Variants in OLFM3 observed in about 807,000 individuals in gnomAD.
OLFM3 encodes olfactomedin 3, also known as noelin-3.
Under a neutral mutation model 48.6 loss-of-function variants are expected in OLFM3, and 20 were observed. The ratio of observed to expected loss-of-function variants is 0.41; its 90% CI spans 0.29 to 0.60. OLFM3 has a LOEUF of 0.60. Among genes scored for constraint, OLFM3 ranks in the 20% least tolerant of loss-of-function variants. OLFM3 has a pLI of 0.28. For missense variants in OLFM3, 437 were observed against 544.3 expected (o/e 0.80, Z 1.96); for synonymous variants, 222 against 198.1 (o/e 1.12, Z -1.01).
intron 1 of OLFM3, among the ~76,000 whole-genome samples, chr1:101,886,553 A>G (rs1407473915): frequency 6.6e-6 from 1 of 152,116 alleles, no homozygotes; most frequent in Non-Finnish European, 1.5e-5. Flanking sequence ...ATAGCATGTT[A>G]GCTTGGGGGA....
intron 1 of OLFM3, among the ~76,000 whole-genome samples, chr1:101,958,608 G>A (rs1008791795): frequency 6.6e-6 from 1 of 151,966 alleles, no homozygotes; most frequent in Non-Finnish European, 1.5e-5. Context: ...GAATGTAGAG[G>A]TGTTTGTGAT....
At chr1:101,842,745 T>C (rs1338255779) in intron 1 of OLFM3, among the ~76,000 whole-genome samples, 1 of 152,148 alleles carries the variant, frequency 6.6e-6, no homozygotes. Context: ...GGCAGCCCCC[T>C]CCACTGAAGA....
At chr1:101,846,954 T>G in intron 1 of OLFM3, 2 of 1,612,286 alleles carry the variant, frequency 1.2e-6, no homozygotes, top group African/African-American at 1.3e-5. Flanking sequence ...AGCGCCAAGC[T>G]TCAGCAGTGG....
rs1657609937 is a variant in OLFM3 at position 101,883,322 on chromosome 1, C to T, written c.70-46297G>A. On this transcript the variant is annotated intron_variant, in intron 1 of 5. Coordinates refer to ENST00000370103, the MANE Select transcript of OLFM3 (RefSeq NM_058170.4). ...TATAATATATATACACACATATATACAATTTATATACTCTATATATACACA... is the reference window on the plus strand; with the variant it reads ...TATAATATATATACACACATATATATAATTTATATACTCTATATATACACA... 2.0e-5 allele frequency among the ~76,000 whole-genome samples: 3 copies of T among 149,884 alleles called. No individual in the cohort carries two copies. The Admixed American group carries it at 2.0e-4, about 10-fold the overall frequency.
At chr1:101,903,862 T>C (rs1437162696) in intron 1 of OLFM3, among the ~76,000 whole-genome samples, 1 of 152,062 alleles carries the variant, frequency 6.6e-6, no homozygotes, top group Non-Finnish European at 1.5e-5. Flanking sequence ...TGGCAATACA[T>C]TATTTTTAGT....
At chr1:101,827,040 G>A (rs551638837) in intron 3 of OLFM3, among the ~76,000 whole-genome samples, 2 of 152,226 alleles carry the variant, frequency 1.3e-5, no homozygotes, top group South Asian at 4.1e-4. Context: ...ACTTATATGA[G>A]AGCATTGGAA....
intron 1 of OLFM3, among the ~76,000 whole-genome samples, chr1:101,943,878 C>T (rs953594946): frequency 1.6e-5 from 2 of 121,812 alleles, no homozygotes; most frequent in Non-Finnish European, 1.8e-5. Context: ...ATTCATAAAA[C>T]TCTAGAAATC....
chr1:101,958,571 T>C (rs547158948), intron 1 of OLFM3, among the ~76,000 whole-genome samples: 3 of 152,212 alleles, frequency 2.0e-5, no homozygotes, highest in East Asian at 1.9e-4. Context: ...CTTCAGAATA[T>C]GCATGCTTTT....
chr1:101,915,561 C>A (rs1422014062), intron 1 of OLFM3, among the ~76,000 whole-genome samples: 5 of 152,072 alleles, frequency 3.3e-5, no homozygotes, highest in African/African-American at 1.2e-4. Flanking sequence ...AATACAATAT[C>A]TCTCCTCTCT....
chr1:101,935,257 C>T (rs763405464), intron 1 of OLFM3, among the ~76,000 whole-genome samples: 5 of 149,412 alleles, frequency 3.3e-5, no homozygotes, highest in Non-Finnish European at 5.9e-5. Context: ...AAAAGAAGAT[C>T]GAAATAAATG....
intron 1 of OLFM3, among the ~76,000 whole-genome samples, chr1:101,977,926 C>T (rs1393307644): frequency 6.6e-6 from 1 of 152,066 alleles, no homozygotes; most frequent in East Asian, 1.9e-4. Flanking sequence ...TACTTTGTTT[C>T]TTTCTCATAA....
rs561866339 is a variant in OLFM3, at chr1:101,928,544, C to T, written c.69+68204G>A. On this transcript the variant is annotated intron_variant, in intron 1 of 5. Transcript: ENST00000370103. Reference sequence around the variant, plus strand: ...ACTTTCATTCATAAGCACTTTTCCACTTTCTAACAGAGAACTTGAGAAAAC... The same window carrying T: ...ACTTTCATTCATAAGCACTTTTCCATTTTCTAACAGAGAACTTGAGAAAAC... Among the ~76,000 whole-genome samples, 13 of 152,234 alleles carry T rather than the reference C, an allele frequency of 8.5e-5. No homozygotes were observed. The South Asian group carries it at 1.9e-3, about 22-fold the overall frequency.
chr1:101,841,581 G>A (rs1655723144), intron 1 of OLFM3, among the ~76,000 whole-genome samples: 1 of 152,168 alleles, frequency 6.6e-6, no homozygotes, highest in African/African-American at 2.4e-5. Flanking sequence ...ATGGAAACAA[G>A]TAGCCATTGG....
intron 1 of OLFM3, among the ~76,000 whole-genome samples, chr1:101,974,472 C>T (rs1171020031): frequency 6.6e-6 from 1 of 152,056 alleles, no homozygotes; most frequent in African/African-American, 2.4e-5. Flanking sequence ...CTTAATTGGA[C>T]CAGTTTTACC....
intron 1 of OLFM3, among the ~76,000 whole-genome samples, chr1:101,904,099 G>A (rs1658479568): frequency 6.6e-6 from 1 of 152,032 alleles, no homozygotes; most frequent in Non-Finnish European, 1.5e-5. Flanking sequence ...ATGGGCAATT[G>A]TAGGGAATTT....
intron 1 of OLFM3, among the ~76,000 whole-genome samples, chr1:101,943,751 C>T (rs574195496): frequency 6.6e-6 from 1 of 152,208 alleles, no homozygotes; most frequent in Admixed American, 6.5e-5. Context: ...TTATAGTTCA[C>T]CTATTATCTA....
At chr1:101,872,033 C>T (rs75710751) in intron 1 of OLFM3, among the ~76,000 whole-genome samples, 3,420 of 151,940 alleles carry the variant, frequency 0.023, 147 homozygotes, top group African/African-American at 0.078. Flanking sequence ...CTGAGTTGAG[C>T]GTTAAAGAAT....
intron 2 of OLFM3, among the ~76,000 whole-genome samples, chr1:101,832,231 T>C (rs930469158): frequency 2.0e-5 from 3 of 152,194 alleles, no homozygotes; most frequent in Non-Finnish European, 4.4e-5. Context: ...TGCACACACA[T>C]ATAATCAGTA....
rs553233903 is a variant in OLFM3, at chr1:101,889,476, G to A, written c.70-52451C>T. ...ATGAGAACACGTGGACACAGGGTGG[G>A]TAACATCACACACCAGGGCCTGTTG... On this transcript the variant is annotated intron_variant, in intron 1 of 5. Coordinates refer to ENST00000370103, the MANE Select transcript of OLFM3 (RefSeq NM_058170.4). Among the ~76,000 whole-genome samples, 26 of 152,104 alleles carry A rather than the reference G, an allele frequency of 1.7e-4. 1 individual carries two copies. The highest frequency in any genetic ancestry group is 7.4e-5 in the Non-Finnish European group (5 of 68,022).
Sources: gnomAD v4.1 joint callset for allele counts (sites outside exome capture counted in the v4.1 genomes callset) on GRCh38, gnomAD v4.1.1 for gene constraint, MANE v1.5 for transcripts, NCBI Gene and HGNC (gene_info 2026-07-23, HGNC 2026-07-21) for gene names.